DACH1: variants seen among roughly 807,000 people sequenced by gnomAD.
DACH1 encodes dachshund family transcription factor 1, also known as dachshund homolog 1.
Under a neutral mutation model 54.2 loss-of-function variants are expected in DACH1, and 12 were observed. That is an observed-to-expected ratio of 0.22 (90% CI 0.14 to 0.36). The LOEUF (loss-of-function observed/expected upper bound fraction) is 0.36. Ranked by LOEUF, DACH1 falls within the 10% of genes least tolerant of loss-of-function variation. The pLI, the probability that DACH1 is intolerant of heterozygous loss-of-function variation, is 1.00. For missense variants in DACH1, 805 were observed against 929.8 expected, an observed-to-expected ratio of 0.87 and a Z score of 1.75; for synonymous variants, 386 against 366.2, an observed-to-expected ratio of 1.05 and a Z score of -0.62.
At chr13:71,735,063 A>C (rs906931318) in intron 1 of DACH1, among the ~76,000 whole-genome samples, 1 of 93,500 alleles carries the variant, frequency 1.1e-5, no homozygotes, top group Non-Finnish European at 2.2e-5. Context: ...TGGGTGATAC[A>C]TATATATGGG....
intron 3 of DACH1, among the ~76,000 whole-genome samples, chr13:71,622,521 C>G (rs1876322374): frequency 6.6e-6 from 1 of 151,768 alleles, no homozygotes; most frequent in South Asian, 2.1e-4. Flanking sequence ...ATTGTCTGAT[C>G]TTAAACAAAT....
chr13:71,680,263 T>TA (rs1880819138), intron 2 of DACH1, among the ~76,000 whole-genome samples: 1 of 152,146 alleles, frequency 6.6e-6, no homozygotes, highest in South Asian at 2.1e-4. Flanking sequence ...ATGCATGAAA[T>TA]TAGTATAAAA....
intron 1 of DACH1, among the ~76,000 whole-genome samples, chr13:71,824,815 A>G (rs1888319268): frequency 6.6e-6 from 1 of 152,098 alleles, no homozygotes; most frequent in Non-Finnish European, 1.5e-5. Context: ...TAAAGTCAAT[A>G]AAGTGGAAGC....
At chr13:71,808,265 C>T (rs924949574) in intron 1 of DACH1, among the ~76,000 whole-genome samples, 1 of 152,148 alleles carries the variant, frequency 6.6e-6, no homozygotes, top group Non-Finnish European at 1.5e-5. Context: ...TACTGTGCTT[C>T]TTCTCAAAGG....
intron 1 of DACH1, among the ~76,000 whole-genome samples, chr13:71,828,136 T>C (rs1888449571): frequency 6.6e-6 from 1 of 152,032 alleles, no homozygotes; most frequent in Admixed American, 6.6e-5. Flanking sequence ...CGCTCCTCTG[T>C]GAACAAGATT....
At chr13:71,820,743 C>G (rs1056049547) in intron 1 of DACH1, among the ~76,000 whole-genome samples, 3 of 152,154 alleles carry the variant, frequency 2.0e-5, no homozygotes, top group African/African-American at 7.2e-5. Context: ...TAATAAACCA[C>G]TTTCTTAGTA....
At chr13:71,841,612 T>G (rs931785517) in intron 1 of DACH1, among the ~76,000 whole-genome samples, 47 of 152,172 alleles carry the variant, frequency 3.1e-4, no homozygotes, top group Non-Finnish European at 8.8e-5. Context: ...GAGTCTTTTC[T>G]TGATGGTGGT....
intron 1 of DACH1, among the ~76,000 whole-genome samples, chr13:71,831,764 A>G (rs1450419684): frequency 6.6e-6 from 1 of 152,032 alleles, no homozygotes; most frequent in Non-Finnish European, 1.5e-5. Context: ...ACATGGCCTT[A>G]ACCCCTATAA....
chr13:71,762,230 A>G (rs530236790), intron 1 of DACH1, among the ~76,000 whole-genome samples: 2 of 152,244 alleles, frequency 1.3e-5, no homozygotes, highest in South Asian at 4.1e-4. Context: ...TGCCAAGCCC[A>G]TATCGCTGGA....
intron 1 of DACH1, among the ~76,000 whole-genome samples, chr13:71,826,880 C>T (rs1342479807): frequency 6.6e-6 from 1 of 151,980 alleles, no homozygotes; most frequent in Admixed American, 6.6e-5. Context: ...CGTGAATCTT[C>T]ATTTACTATT....
chr13:71,764,645 T>A (rs1182467372), intron 1 of DACH1, among the ~76,000 whole-genome samples: 3 of 152,208 alleles, frequency 2.0e-5, no homozygotes, highest in Non-Finnish European at 4.4e-5. Context: ...TCACTCCCCA[T>A]ATCTAATAAT....
intron 3 of DACH1, among the ~76,000 whole-genome samples, chr13:71,603,483 G>A (rs1393293211): frequency 2.0e-5 from 3 of 151,920 alleles, no homozygotes; most frequent in Non-Finnish European, 2.9e-5. Flanking sequence ...TTAAATGTGT[G>A]CATTGAGTGG....
At chr13:71,683,503 A>G (rs1039728772) in intron 1 of DACH1, among the ~76,000 whole-genome samples, 1 of 152,170 alleles carries the variant, frequency 6.6e-6, no homozygotes, top group Non-Finnish European at 1.5e-5. Context: ...CAAGTCAAAT[A>G]GGAAGAGGAG....
At chr13:71,773,177 C>A (rs1335685127) in intron 1 of DACH1, among the ~76,000 whole-genome samples, 1 of 151,772 alleles carries the variant, frequency 6.6e-6, no homozygotes, top group African/African-American at 2.4e-5. Flanking sequence ...TCATATGTAA[C>A]ATCTGAAAAC....
intron 2 of DACH1, among the ~76,000 whole-genome samples, chr13:71,638,583 T>TA (rs1877669533): frequency 6.6e-6 from 1 of 152,190 alleles, no homozygotes; most frequent in Non-Finnish European, 1.5e-5. Context: ...TATAAGCATG[T>TA]TCAGAAGAGT....
intron 1 of DACH1, among the ~76,000 whole-genome samples, chr13:71,787,974 A>G (rs1419458706): frequency 6.6e-6 from 1 of 152,200 alleles, no homozygotes; most frequent in Non-Finnish European, 1.5e-5. Context: ...CTATTTTTAA[A>G]AATACAGTGA....
intron 10 of DACH1, among the ~76,000 whole-genome samples, chr13:71,446,125 G>T (rs1874441300): frequency 6.6e-6 from 1 of 152,094 alleles, no homozygotes. Context: ...TTATTCGGAG[G>T]TGTGCTGTTT....
chr13:71,671,586 C>A (rs972892850), intron 2 of DACH1, among the ~76,000 whole-genome samples: 2 of 152,016 alleles, frequency 1.3e-5, no homozygotes, highest in African/African-American at 4.8e-5. Context: ...ACCTACCTCC[C>A]TCTCAATGTA....
At chr13:71,690,274 C>A (rs1481544415) in intron 1 of DACH1, among the ~76,000 whole-genome samples, 1 of 152,152 alleles carries the variant, frequency 6.6e-6, no homozygotes, top group Non-Finnish European at 1.5e-5. Context: ...GTTTACCTTT[C>A]TATAGCATAC....
Sources: gnomAD v4.1 joint callset for allele counts (sites outside exome capture counted in the v4.1 genomes callset) on GRCh38, gnomAD v4.1.1 for gene constraint, MANE v1.5 for transcripts, NCBI Gene and HGNC (gene_info 2026-07-23, HGNC 2026-07-21) for gene names.